KLHL1: variants seen among roughly 807,000 people sequenced by gnomAD.
The protein encoded by KLHL1 is kelch like family member 1, also known as kelch-like protein 1.
A neutral mutation model predicts 77.7 loss-of-function variants in KLHL1; 47 were observed. The ratio of observed to expected loss-of-function variants is 0.60; its 90% CI spans 0.48 to 0.77. The LOEUF is 0.77. Among genes scored for constraint, KLHL1 ranks in the 30% least tolerant of loss-of-function variants. KLHL1 has a pLI of 0.00. For missense variants in KLHL1, 925 were observed against 910.8 expected, an observed-to-expected ratio of 1.02 and a Z score of -0.20; for synonymous variants, 360 against 325.2, an observed-to-expected ratio of 1.11 and a Z score of -1.15.
chr13:69,847,985 C>A (rs1389602874), intron 5 of KLHL1, among the ~76,000 whole-genome samples: 1 of 151,458 alleles, frequency 6.6e-6, no homozygotes, highest in Non-Finnish European at 1.5e-5. Flanking sequence ...CTAAGACATT[C>A]CACAGGGAAA....
chr13:69,878,212 A>G (rs1014090888), intron 5 of KLHL1, among the ~76,000 whole-genome samples: 4 of 152,172 alleles, frequency 2.6e-5, no homozygotes, highest in African/African-American at 7.2e-5. Context: ...CTTACAGATT[A>G]CATGGTTTAA....
intron 1 of KLHL1, among the ~76,000 whole-genome samples, chr13:70,095,223 G>C (rs749772146): frequency 1.3e-5 from 2 of 152,132 alleles, no homozygotes; most frequent in African/African-American, 2.4e-5. Context: ...CTCTATAAAA[G>C]AGGCTTTTGC....
At chr13:70,106,475 T>C (rs576903376) in intron 1 of KLHL1, among the ~76,000 whole-genome samples, 2 of 152,296 alleles carry the variant, frequency 1.3e-5, no homozygotes, top group African/African-American at 4.8e-5. Context: ...CAAAGAAGCA[T>C]AATATTTGAA....
chr13:69,731,118 T>C (rs1873526305), intron 8 of KLHL1, among the ~76,000 whole-genome samples: 1 of 152,134 alleles, frequency 6.6e-6, no homozygotes, highest in Non-Finnish European at 1.5e-5. Context: ...GTTACACAAA[T>C]TGGTGTTAAT....
rs1271739736 is a variant in KLHL1, at chr13:69,939,374, T to TACACAC, written c.1014+665_1014+666insGTGTGT. Among the ~76,000 whole-genome samples, 46 of 97,108 alleles carry TACACAC rather than the reference T, an allele frequency of 4.7e-4. 1 individual carries two copies. The highest frequency in any genetic ancestry group is 2.0e-3 in the African/African-American group (46 of 22,724). The allele number at this position is 97,108 out of a possible 152,430, so 63.7% of individuals were successfully genotyped here. A position where few individuals can be genotyped will look rare whatever the true frequency, so the allele number is the denominator to read the frequency against. Reference sequence around the variant, plus strand: ...ATATATATATATATATATATATATATATATACACACACACACGCACACACA... The same window carrying TACACAC: ...ATATATATATATATATATATATATATACACACATATACACACACACACGCACACACA... On this transcript the variant is annotated intron_variant, in intron 4 of 10. Transcript: ENST00000377844.
chr13:69,894,422 T>C, intron 4 of KLHL1: 1 of 161,370 alleles, frequency 6.2e-6, no homozygotes. Context: ...CTTTTACATC[T>C]CCCCTTGAAC....
chr13:69,899,927 G>T (rs992543346), intron 4 of KLHL1, among the ~76,000 whole-genome samples: 16 of 151,878 alleles, frequency 1.1e-4, no homozygotes, highest in African/African-American at 3.9e-4. Flanking sequence ...ACAAGCAGAG[G>T]ACCATGACAG....
At chr13:70,034,727 T>C (rs1886196937) in intron 1 of KLHL1, among the ~76,000 whole-genome samples, 1 of 152,198 alleles carries the variant, frequency 6.6e-6, no homozygotes, top group South Asian at 2.1e-4. Flanking sequence ...TTTAGGAAAT[T>C]ATACACCATC....
chr13:69,951,171 T>C (rs573588437), intron 3 of KLHL1, among the ~76,000 whole-genome samples: 1 of 151,744 alleles, frequency 6.6e-6, no homozygotes, highest in Admixed American at 6.6e-5. Context: ...CATTACTTAT[T>C]GTGAAAATTA....
intron 6 of KLHL1, among the ~76,000 whole-genome samples, chr13:69,813,503 C>CATATAT (rs1555270606): frequency 2.0e-5 from 3 of 148,832 alleles, no homozygotes; most frequent in African/African-American, 7.5e-5. Flanking sequence ...CACACACACA[C>CATATAT]ATATATATAT....
At chr13:69,983,172 C>A (rs1332948835) in intron 1 of KLHL1, among the ~76,000 whole-genome samples, 1 of 151,906 alleles carries the variant, frequency 6.6e-6, no homozygotes, top group Non-Finnish European at 1.5e-5. Flanking sequence ...ATGAAAACTA[C>A]AAAATACTGA....
At chr13:69,940,665 A>C (rs993632754) in intron 3 of KLHL1, among the ~76,000 whole-genome samples, 2 of 151,966 alleles carry the variant, frequency 1.3e-5, no homozygotes, top group Non-Finnish European at 2.9e-5. Flanking sequence ...ACATTTATAA[A>C]TGCATATGTT....
intron 8 of KLHL1, among the ~76,000 whole-genome samples, chr13:69,727,698 A>G (rs973894229): frequency 1.3e-5 from 2 of 152,224 alleles, no homozygotes; most frequent in Non-Finnish European, 2.9e-5. Flanking sequence ...GGCATAATTT[A>G]TTAAATAATA....
At chr13:69,951,103 A>T (rs536874578) in intron 3 of KLHL1, among the ~76,000 whole-genome samples, 1 of 151,660 alleles carries the variant, frequency 6.6e-6, no homozygotes, top group South Asian at 2.1e-4. Flanking sequence ...TGTCTTGTTG[A>T]CTGAGAAGAA....
chr13:69,903,599 G>A (rs1881944257), intron 4 of KLHL1, among the ~76,000 whole-genome samples: 3 of 123,502 alleles, frequency 2.4e-5, no homozygotes, highest in African/African-American at 9.1e-5. Context: ...CTTTTTTGCA[G>A]ATTCCTTTGC....
At chr13:69,848,150 C>T (rs2911513) in intron 5 of KLHL1, among the ~76,000 whole-genome samples, 46,187 of 151,346 alleles carry the variant, frequency 0.31, 8,093 homozygotes, top group Admixed American at 0.44. Flanking sequence ...GAAAGTGCCT[C>T]ATACCTAGAG....
Position 69,838,949 on chromosome 13 carries a change from T to C in KLHL1, c.1414+27A>G, listed in dbSNP as rs1879134450. ...GCAACACGGTATAACACAGGATGTA[T>C]AGTTATATAAATCCAGAATTAAATA... On this transcript the variant is annotated intron_variant, in intron 6 of 10. Transcript: ENST00000377844. 9 of 1,519,464 alleles carry C rather than the reference T, an allele frequency of 5.9e-6. No homozygotes were observed. The East Asian group carries it at 6.9e-5, about 12-fold the overall frequency. The allele number at this position is 1,519,464 out of a possible 1,614,324, so 94.1% of individuals were successfully genotyped here.
At chr13:70,092,913 T>C (rs1453181518) in intron 1 of KLHL1, among the ~76,000 whole-genome samples, 2 of 152,136 alleles carry the variant, frequency 1.3e-5, no homozygotes, top group Non-Finnish European at 2.9e-5. Flanking sequence ...CATGAAATAA[T>C]TGCATCATCA....
chr13:69,854,317 C>G (rs758510200), intron 5 of KLHL1, among the ~76,000 whole-genome samples: 1 of 151,880 alleles, frequency 6.6e-6, no homozygotes, highest in African/African-American at 2.4e-5. Context: ...CCAGTGTGTG[C>G]GGAGATCACG....
Sources: allele counts gnomAD v4.1 joint callset (sites outside exome capture counted in the v4.1 genomes callset), GRCh38; gene constraint gnomAD v4.1.1; transcripts MANE v1.5; gene names NCBI Gene and HGNC (gene_info 2026-07-23, HGNC 2026-07-21).